Variants in KIAA1217 observed in about 807,000 individuals in gnomAD.
KIAA1217 encodes sickle tail protein homolog.
In KIAA1217, 88 loss-of-function variants were observed where a neutral mutation model predicts 163.9. The ratio of observed to expected loss-of-function variants is 0.54; its 90% CI spans 0.45 to 0.64. KIAA1217 has a LOEUF of 0.64. Ranked by LOEUF, KIAA1217 falls within the 30% of genes least tolerant of loss-of-function variation. The probability of loss-of-function intolerance (pLI) is 0.00; values close to 1 mark genes in which losing one functional copy is unlikely to be tolerated. For missense variants in KIAA1217, 2,372 were observed against 2,475.0 expected, an observed-to-expected ratio of 0.96 and a Z score of 0.88; for synonymous variants, 903 against 923.1, an observed-to-expected ratio of 0.98 and a Z score of 0.39.
chr10:23,975,637 G>C (rs761126609), intron 1 of KIAA1217, among the ~76,000 whole-genome samples: 1 of 152,124 alleles, frequency 6.6e-6, no homozygotes, highest in African/African-American at 2.4e-5. Context: ...CATGCTGTTG[G>C]TGGGAAAGAA....
intron 3 of KIAA1217, among the ~76,000 whole-genome samples, chr10:24,411,307 G>A (rs2057752198): frequency 6.6e-6 from 1 of 152,054 alleles, no homozygotes; most frequent in Non-Finnish European, 1.5e-5. Context: ...TAACTCTCAA[G>A]TAAACAGAAT....
chr10:23,778,175 G>A lies in KIAA1217; in HGVS notation c.-321+82941G>A, dbSNP rs117071474. Among the ~76,000 whole-genome samples the A allele has an allele frequency of 1.1e-3, 160 of 152,028 alleles. 2 individuals are homozygous for A. In the East Asian group the frequency reaches 0.028, roughly 26 times the overall value. ...AGGCTGGTCTTGAACTCCTGACCTC[G>A]TGATTCCCCCCCCTTCGGCCTCCCA... On this transcript the variant is annotated intron_variant, in intron 1 of 18. Coordinates refer to the KIAA1217 transcript ENST00000376462.
At chr10:23,873,783 G>A (rs1363132453) in intron 1 of KIAA1217, among the ~76,000 whole-genome samples, 3 of 151,892 alleles carry the variant, frequency 2.0e-5, no homozygotes, top group Admixed American at 1.3e-4. Flanking sequence ...TTAGGTAAGT[G>A]CAGAGTACAA....
intron 20 of KIAA1217, chr10:24,545,381 T>A: frequency 7.4e-7 from 1 of 1,348,858 alleles, no homozygotes; most frequent in Non-Finnish European, 9.5e-7. Flanking sequence ...CTTTGGTGAA[T>A]GTAGTGTTTC....
At position 24,524,760 on chromosome 10, in the gene KIAA1217, T is replaced by C; in HGVS notation, c.2894T>C (p.Ile965Thr). The change falls in exon 13 of 21, where the codon ATC becomes ACC. Residue 965 changes from isoleucine to threonine, a missense_variant. Transcript: ENST00000376454. ...AGTGCCAAGAACAGGGCAGTGTCTATCGAGGTAGAGTCCTATTTCTGTTTC... is the reference window on the plus strand; with the variant it reads ...AGTGCCAAGAACAGGGCAGTGTCTACCGAGGTAGAGTCCTATTTCTGTTTC... ...SVSAKNRAVSIEKAEKKWEEK... is the reference protein window; with the variant it reads ...SVSAKNRAVSTEKAEKKWEEK... 6.3e-7 allele frequency: 1 copy of C among 1,586,846 alleles called. No homozygotes were observed. Among genetic ancestry groups the C allele is most frequent in the South Asian group, 1.1e-5 (1 of 87,914 alleles).
At chr10:23,954,899 A>G (rs1230395697) in intron 1 of KIAA1217, among the ~76,000 whole-genome samples, 2 of 152,148 alleles carry the variant, frequency 1.3e-5, no homozygotes, top group African/African-American at 2.4e-5. Flanking sequence ...TAGAAAGAAC[A>G]TACACTTTGA....
rs1247557663 is a variant in KIAA1217 at position 23,790,047 on chromosome 10, A to G, written c.-321+94813A>G. On this transcript the variant is annotated intron_variant, in intron 1 of 18. Transcript: ENST00000376462. ...TATGCATATACACATATACATATGCATATACACATATACACATATGCATAT... is the reference window on the plus strand; with the variant it reads ...TATGCATATACACATATACATATGCGTATACACATATACACATATGCATAT... 3.3e-5 allele frequency among the ~76,000 whole-genome samples: 4 copies of G among 119,796 alleles called. 1 individual carries two copies. Among genetic ancestry groups the G allele is most frequent in the Non-Finnish European group, 6.6e-5 (4 of 60,168 alleles). 78.6% of individuals were successfully genotyped at this position (119,796 alleles called of 152,430 possible).
rs527857961 is a variant in KIAA1217, at chr10:23,883,334, G to A, written c.-320-123891G>A. Among the ~76,000 whole-genome samples, 10 of 152,004 alleles carry A rather than the reference G, an allele frequency of 6.6e-5. 1 individual carries two copies. Among genetic ancestry groups the A allele is most frequent in the Admixed American group, 5.9e-4 (9 of 15,252 alleles). The stretch of plus-strand genomic sequence containing the variant: ...CTAGCTTTCAACATTTAAATGTGTA[G>A]AATAAAAGGTGGGATGCAAGTGAGC... On this transcript the variant is annotated intron_variant, in intron 1 of 18. Coordinates refer to the KIAA1217 transcript ENST00000376462.
At chr10:23,758,737 A>G (rs1270587671) in intron 1 of KIAA1217, among the ~76,000 whole-genome samples, 1 of 124,208 alleles carries the variant, frequency 8.1e-6, no homozygotes, top group Non-Finnish European at 1.6e-5. Context: ...CCCAGGCTGG[A>G]GTGTAATGGC....
intron 1 of KIAA1217, among the ~76,000 whole-genome samples, chr10:23,874,937 T>C (rs1840613371): frequency 6.6e-6 from 1 of 152,030 alleles, no homozygotes; most frequent in Non-Finnish European, 1.5e-5. Flanking sequence ...GCTCAGCTTC[T>C]GGTGAGGTCA....
chr10:23,765,125 C>T (rs1040812123), intron 1 of KIAA1217, among the ~76,000 whole-genome samples: 2 of 150,898 alleles, frequency 1.3e-5, no homozygotes, highest in Admixed American at 1.3e-4. Flanking sequence ...TTATGATAAA[C>T]ACCATAGGAC....
At chr10:24,291,152 C>T (rs536615272) in intron 2 of KIAA1217, among the ~76,000 whole-genome samples, 143 of 152,310 alleles carry the variant, frequency 9.4e-4, no homozygotes, top group Non-Finnish European at 1.8e-3. Context: ...CAAAGACCCA[C>T]GATAACTTTT....
At chr10:23,818,040 TATATATACAC>T (rs1488288075) in intron 1 of KIAA1217, among the ~76,000 whole-genome samples, 10 of 128,844 alleles carry the variant, frequency 7.8e-5, no homozygotes, top group African/African-American at 3.1e-4. Flanking sequence ...TATATATACA[TATATATACAC>T]ATATATATAC....
At position 23,695,167 on chromosome 10, in the gene KIAA1217, A is replaced by C. The variant is rs1453148751; in HGVS notation, c.-388A>C. 1 of 152,500 alleles carries C rather than the reference A, an allele frequency of 6.6e-6. No individual in the cohort carries two copies. Among genetic ancestry groups the C allele is most frequent in the Non-Finnish European group, 1.5e-5 (1 of 68,312 alleles). 9.4% of individuals were successfully genotyped at this position (152,500 alleles called of 1,614,324 possible). On this transcript the variant is annotated 5_prime_UTR_variant, in exon 1 of 19. Coordinates refer to the KIAA1217 transcript ENST00000376462. The surrounding 1 kb of genome is among the most constrained non-coding windows in gnomAD (Gnocchi z 4.9). ...TGGGGCATGAGAGCGAGGTGGCTCC[A>C]GGTCTCCGCGGAGCAGCTGCCAGTG... is the stretch of plus-strand genomic sequence containing the variant.
chr10:24,523,386 C>G (rs890827238), intron 12 of KIAA1217, among the ~76,000 whole-genome samples: 1 of 151,910 alleles, frequency 6.6e-6, no homozygotes, highest in Admixed American at 6.6e-5. Flanking sequence ...AGAACAAATC[C>G]TTGGGGATCT....
chr10:23,975,853 G>C (rs1348847784), intron 1 of KIAA1217, among the ~76,000 whole-genome samples: 1 of 152,118 alleles, frequency 6.6e-6, no homozygotes, highest in Non-Finnish European at 1.5e-5. Context: ...TCTAGAAAGA[G>C]GCAGTTCCAT....
At chr10:24,061,467 A>G (rs191107539) in intron 2 of KIAA1217, among the ~76,000 whole-genome samples, 1 of 152,304 alleles carries the variant, frequency 6.6e-6, no homozygotes, top group East Asian at 1.9e-4. Context: ...TTGACTATAT[A>G]TTTACCTTTA....
chr10:24,134,336 T>C (rs2063759418), intron 2 of KIAA1217, among the ~76,000 whole-genome samples: 1 of 152,186 alleles, frequency 6.6e-6, no homozygotes, highest in Non-Finnish European at 1.5e-5. Context: ...TTAGTTCCAT[T>C]TGGCTGAAGC....
chr10:23,945,439 A>G lies in KIAA1217; in HGVS notation c.-320-61786A>G, dbSNP rs183938438. Among the ~76,000 whole-genome samples, 318 of 152,334 alleles carry G rather than the reference A, an allele frequency of 2.1e-3. 1 individual carries two copies. Among genetic ancestry groups the G allele is most frequent in the Non-Finnish European group, 3.0e-3 (206 of 68,026 alleles). ...AGAAAACTAATTTATGGTGATAGAA[A>G]TCAGAGCAATGGCTGCTTATGGAAG... On this transcript the variant is annotated intron_variant, in intron 1 of 18. Coordinates refer to the KIAA1217 transcript ENST00000376462.
Sources: allele counts gnomAD v4.1 joint callset (sites outside exome capture counted in the v4.1 genomes callset), GRCh38; gene constraint gnomAD v4.1.1; non-coding constraint Gnocchi (gnomAD v3.1); transcripts MANE v1.5; gene names NCBI Gene and HGNC (gene_info 2026-07-23, HGNC 2026-07-21).